The following MGMT variants were observed in gnomAD, a reference collection of about 807,000 sequenced individuals.
MGMT encodes the protein O-6-methylguanine-DNA methyltransferase.
A neutral mutation model predicts 15.9 loss-of-function variants in MGMT; 14 were observed. The ratio of observed to expected loss-of-function variants is 0.88; its 90% CI spans 0.58 to 1.37. MGMT has a LOEUF of 1.37. Ranked by LOEUF, MGMT falls within the 40% of genes most tolerant of loss-of-function variation. The pLI is 0.00. For synonymous variants in MGMT, 130 were observed against 118.2 expected (o/e 1.10, Z -0.65); for missense variants, 282 against 268.1 (o/e 1.05, Z -0.36).
chr10:129,511,162 G>A (rs559068968), intron 1 of MGMT, among the ~76,000 whole-genome samples: 22 of 143,398 alleles, frequency 1.5e-4, no homozygotes, highest in African/African-American at 5.9e-4. Context: ...TGGGAACCCG[G>A]TATATTAGAT....
At chr10:129,577,860 A>G (rs932370030) in intron 2 of MGMT, among the ~76,000 whole-genome samples, 2 of 152,214 alleles carry the variant, frequency 1.3e-5, no homozygotes, top group Non-Finnish European at 2.9e-5. Context: ...ACCCCATCAA[A>G]AAGTGGGCAA....
intron 1 of MGMT, among the ~76,000 whole-genome samples, chr10:129,523,389 C>T (rs11817393): frequency 0.031 from 4,443 of 144,134 alleles, 170 homozygotes; most frequent in African/African-American, 0.083. Context: ...GGTGTTCTCT[C>T]ATTGTCTTTT....
intron 2 of MGMT, among the ~76,000 whole-genome samples, chr10:129,676,129 G>A (rs1847782825): frequency 1.3e-5 from 2 of 152,294 alleles, no homozygotes; most frequent in East Asian, 1.9e-4. Flanking sequence ...ATGGGGAGTC[G>A]GGGTGAAGCC....
chr10:129,536,380 A>T lies in MGMT; in HGVS notation c.125+3A>T. ...GGCAAGGGGACGTCTGCAGCTGAGT[A>T]AGTATGAGCCCACGTGATCCTGTAT... On this transcript the variant is annotated splice_donor_region_variant and intron_variant, in intron 2 of 4. Coordinates refer to ENST00000651593, the MANE Select transcript of MGMT (RefSeq NM_002412.5). 1 of 1,612,246 alleles carries T rather than the reference A, an allele frequency of 6.2e-7. No homozygotes were observed. Among genetic ancestry groups the T allele is most frequent in the Admixed American group, 1.7e-5 (1 of 59,240 alleles).
chr10:129,560,609 C>T lies in MGMT; in HGVS notation c.125+24232C>T, dbSNP rs181036796. Among the ~76,000 whole-genome samples, 505 of 152,310 alleles carry T rather than the reference C, an allele frequency of 3.3e-3. 3 individuals are homozygous for T. Among genetic ancestry groups the T allele is most frequent in the South Asian group, 0.012 (60 of 4,826 alleles). ...ACGGTGGCAGAGTGCCTACTGTGTA[C>T]ACAGAATCTAGACATTTCACATTGA... On this transcript the variant is annotated intron_variant, in intron 2 of 4. Coordinates refer to ENST00000651593, the MANE Select transcript of MGMT (RefSeq NM_002412.5).
At chr10:129,577,189 A>T (rs1303622479) in intron 2 of MGMT, among the ~76,000 whole-genome samples, 3 of 152,228 alleles carry the variant, frequency 2.0e-5, no homozygotes, top group African/African-American at 7.2e-5. Context: ...AAGCTACTTT[A>T]AAGTTCGTAT....
intron 3 of MGMT, among the ~76,000 whole-genome samples, chr10:129,732,283 T>C (rs2133163504): frequency 6.6e-6 from 1 of 152,220 alleles, no homozygotes; most frequent in East Asian, 1.9e-4. Context: ...TAGGTATTTC[T>C]CCTAATGCTA....
chr10:129,761,651 T>A (rs1564787706), intron 4 of MGMT, among the ~76,000 whole-genome samples: 1 of 152,244 alleles, frequency 6.6e-6, no homozygotes, highest in Non-Finnish European at 1.5e-5. Flanking sequence ...TGTAAAACCC[T>A]AATGTCTGTA....
At chr10:129,595,998 T>A (rs1213852888) in intron 2 of MGMT, among the ~76,000 whole-genome samples, 3 of 152,146 alleles carry the variant, frequency 2.0e-5, no homozygotes. Context: ...GAATTATAGG[T>A]GGGTTCAGCT....
intron 2 of MGMT, among the ~76,000 whole-genome samples, chr10:129,598,742 GATGTAGA>G (rs1372097186): frequency 1.3e-5 from 2 of 152,126 alleles, no homozygotes; most frequent in African/African-American, 4.8e-5. Flanking sequence ...GCTTCTAGAG[GATGTAGA>G]TGTGCTTGTC....
chr10:129,618,289 T>C (rs1378820496), intron 2 of MGMT, among the ~76,000 whole-genome samples: 1 of 152,130 alleles, frequency 6.6e-6, no homozygotes, highest in East Asian at 1.9e-4. Context: ...GTGCCAAGCC[T>C]TACGATAGAT....
At chr10:129,742,797 A>G (rs1450975730) in intron 3 of MGMT, among the ~76,000 whole-genome samples, 11 of 119,716 alleles carry the variant, frequency 9.2e-5, no homozygotes, top group African/African-American at 1.3e-4. Context: ...CACAACTGCA[A>G]CGGCCCATGC....
intron 3 of MGMT, among the ~76,000 whole-genome samples, chr10:129,743,501 AG>A (rs1848661694): frequency 6.6e-6 from 1 of 152,224 alleles, no homozygotes; most frequent in Non-Finnish European, 1.5e-5. Context: ...CAGTTCTGAC[AG>A]AGGTGTCTGT....
intron 2 of MGMT, among the ~76,000 whole-genome samples, chr10:129,558,721 C>G (rs1846243899): frequency 6.6e-6 from 1 of 152,210 alleles, no homozygotes; most frequent in Non-Finnish European, 1.5e-5. Flanking sequence ...TTGGAGAGTA[C>G]TTGCAGGCAG....
intron 2 of MGMT, among the ~76,000 whole-genome samples, chr10:129,647,223 C>T (rs1283432927): frequency 6.6e-6 from 1 of 152,200 alleles, no homozygotes; most frequent in Non-Finnish European, 1.5e-5. Flanking sequence ...TAGCTCTGCT[C>T]ACCCGCCCAG....
At chr10:129,655,243 G>C (rs1051487379) in intron 2 of MGMT, among the ~76,000 whole-genome samples, 17 of 152,240 alleles carry the variant, frequency 1.1e-4, no homozygotes, top group African/African-American at 4.1e-4. Flanking sequence ...GTGGTTTCCT[G>C]TGTGTCTGCC....
At chr10:129,701,916 G>C (rs1036694460) in intron 2 of MGMT, 1 of 152,246 alleles carries the variant, frequency 6.6e-6, no homozygotes, top group African/African-American at 2.4e-5. Flanking sequence ...CTTGCAGGTA[G>C]GGAGGACGCT....
At chr10:129,722,302 A>G (rs1039967410) in intron 3 of MGMT, among the ~76,000 whole-genome samples, 1 of 152,204 alleles carries the variant, frequency 6.6e-6, no homozygotes, top group East Asian at 1.9e-4. Flanking sequence ...TAACATTAGC[A>G]TTATTAAAGA....
At chr10:129,495,071 C>G (rs971868813) in intron 1 of MGMT, among the ~76,000 whole-genome samples, 1 of 152,234 alleles carries the variant, frequency 6.6e-6, no homozygotes, top group African/African-American at 2.4e-5. Context: ...TTACCGACCC[C>G]ATGCACACAT....
Sources: allele counts gnomAD v4.1 joint callset (sites outside exome capture counted in the v4.1 genomes callset), GRCh38; gene constraint gnomAD v4.1.1; transcripts MANE v1.5; gene names NCBI Gene and HGNC (gene_info 2026-07-23, HGNC 2026-07-21).